SPTLC3: variants seen among roughly 807,000 people sequenced by gnomAD.
SPTLC3 encodes serine palmitoyltransferase long chain base subunit 3.
In SPTLC3, 36 loss-of-function variants were observed where a neutral mutation model predicts 59.3. The ratio of observed to expected loss-of-function variants is 0.61; its 90% CI spans 0.47 to 0.80. The LOEUF is 0.80. SPTLC3 is among the 30% of genes least tolerant of loss of function. The pLI, the probability that SPTLC3 is intolerant of heterozygous loss-of-function variation, is 0.00. For missense variants in SPTLC3, 625 were observed against 685.1 expected (o/e 0.91, Z 0.98); for synonymous variants, 257 against 240.8 (o/e 1.07, Z -0.62).
At chr20:13,094,607 T>C (rs142779387) in intron 6 of SPTLC3, among the ~76,000 whole-genome samples, 1 of 152,344 alleles carries the variant, frequency 6.6e-6, no homozygotes, top group Non-Finnish European at 1.5e-5. Flanking sequence ...GTTTCAATTC[T>C]GTTCTGCCCA....
intron 2 of SPTLC3, among the ~76,000 whole-genome samples, chr20:13,070,953 A>G (rs1030125388): frequency 1.3e-5 from 2 of 152,130 alleles, no homozygotes; most frequent in African/African-American, 4.8e-5. Flanking sequence ...TAAAAATCTC[A>G]TTCTGCTTTG....
chr20:13,149,157 AT>A (rs1157124281), intron 9 of SPTLC3, among the ~76,000 whole-genome samples: 1 of 152,208 alleles, frequency 6.6e-6, no homozygotes, highest in East Asian at 1.9e-4. Context: ...ATAAGAGATT[AT>A]TTCATTCACT....
intron 6 of SPTLC3, among the ~76,000 whole-genome samples, chr20:13,107,777 TTTTTTTTTTTTTGTATCTG>T (rs971663631): frequency 1.4e-5 from 1 of 69,574 alleles, no homozygotes; most frequent in Non-Finnish European, 2.5e-5. Context: ...AAAATGACCT[TTTTTTTTTTTTTGTATCTG>T]TTGGTTCTGA....
At chr20:13,118,898 A>G (rs1990743852) in intron 8 of SPTLC3, among the ~76,000 whole-genome samples, 1 of 152,254 alleles carries the variant, frequency 6.6e-6, no homozygotes. Context: ...GATGCTTAAA[A>G]TGTTCAGAGT....
At chr20:13,122,589 G>C (rs1264214966) in intron 8 of SPTLC3, among the ~76,000 whole-genome samples, 3 of 152,180 alleles carry the variant, frequency 2.0e-5, no homozygotes, top group African/African-American at 2.4e-5. Flanking sequence ...CTGTGATTCA[G>C]TTGTTCTGTC....
intron 9 of SPTLC3, among the ~76,000 whole-genome samples, chr20:13,146,413 C>T (rs910985375): frequency 9.2e-5 from 14 of 152,032 alleles, no homozygotes; most frequent in Non-Finnish European, 1.8e-4. Context: ...CACATGTACC[C>T]CGAAACCTAA....
chr20:13,161,600 T>C (rs1003123217), intron 11 of SPTLC3, among the ~76,000 whole-genome samples: 1 of 151,964 alleles, frequency 6.6e-6, no homozygotes, highest in Non-Finnish European at 1.5e-5. Flanking sequence ...TTAAACTCCA[T>C]ACAGAGGAGA....
intron 1 of SPTLC3, among the ~76,000 whole-genome samples, chr20:13,034,036 G>A (rs1324218969): frequency 1.3e-5 from 2 of 152,144 alleles, no homozygotes; most frequent in African/African-American, 4.8e-5. Context: ...GGTGTGAAGT[G>A]AGAGCCATTT....
At chr20:13,009,481 T>G in intron 1 of SPTLC3, 97 bp downstream of exon 1, 2 of 1,124,308 alleles carry the variant, frequency 1.8e-6, no homozygotes, top group Non-Finnish European at 2.6e-6. Context: ...AGAGTTCATC[T>G]TATGAAGGGT....
chr20:13,010,546 T>C (rs1019644604), intron 1 of SPTLC3, among the ~76,000 whole-genome samples: 1 of 152,140 alleles, frequency 6.6e-6, no homozygotes, highest in Non-Finnish European at 1.5e-5. Context: ...CTGGGAGGTG[T>C]CTATCAGAAA....
At chr20:13,138,219 T>C (rs2122867117) in intron 9 of SPTLC3, among the ~76,000 whole-genome samples, 1 of 152,304 alleles carries the variant, frequency 6.6e-6, no homozygotes, top group South Asian at 2.1e-4. Context: ...AGAGACACTG[T>C]CCCCAAACTG....
intron 1 of SPTLC3, among the ~76,000 whole-genome samples, chr20:13,019,713 C>A (rs1985767060): frequency 6.6e-6 from 1 of 152,252 alleles, no homozygotes; most frequent in South Asian, 2.1e-4. Flanking sequence ...GTCAGTGGTG[C>A]ACAAACCTTC....
intron 10 of SPTLC3, among the ~76,000 whole-genome samples, chr20:13,157,649 C>T (rs1351990581): frequency 6.6e-6 from 1 of 150,902 alleles, no homozygotes; most frequent in East Asian, 1.9e-4. Flanking sequence ...CAAAAGGCAA[C>T]AATCACTACA....
intron 4 of SPTLC3, among the ~76,000 whole-genome samples, chr20:13,080,655 C>A (rs759474290): frequency 2.0e-4 from 31 of 151,846 alleles, no homozygotes; most frequent in Non-Finnish European, 3.4e-4. Flanking sequence ...AAAATAATAA[C>A]CCGTAGTTTC....
chr20:13,135,502 T>G (rs569137771), intron 9 of SPTLC3, among the ~76,000 whole-genome samples: 1 of 152,348 alleles, frequency 6.6e-6, no homozygotes, highest in South Asian at 2.1e-4. Context: ...TATTAGATAT[T>G]AAGATTCTTG....
At chr20:13,068,418 C>G (rs1383908126) in intron 2 of SPTLC3, among the ~76,000 whole-genome samples, 1 of 152,174 alleles carries the variant, frequency 6.6e-6, no homozygotes, top group Non-Finnish European at 1.5e-5. Flanking sequence ...TCAAGTCCAG[C>G]TTCATTTTCT....
chr20:13,017,941 C>A (rs952643882), intron 1 of SPTLC3, among the ~76,000 whole-genome samples: 6 of 152,154 alleles, frequency 3.9e-5, no homozygotes, highest in South Asian at 2.1e-4. Context: ...TTCTTGGAAT[C>A]CAGCCACCAT....
intron 9 of SPTLC3, among the ~76,000 whole-genome samples, chr20:13,151,063 G>C (rs2122942751): frequency 6.6e-6 from 1 of 152,234 alleles, no homozygotes; most frequent in South Asian, 2.1e-4. Flanking sequence ...AAGCTCTTCT[G>C]TTTTTATATC....
intron 1 of SPTLC3, 106 bp from the exon 2 acceptor site, chr20:13,048,839 A>T: frequency 2.0e-6 from 2 of 1,016,092 alleles, no homozygotes; most frequent in Non-Finnish European, 2.8e-6. Context: ...TTACAATCTT[A>T]AATATGGCCT....
Sources: gnomAD v4.1 joint callset for allele counts (sites outside exome capture counted in the v4.1 genomes callset) on GRCh38, gnomAD v4.1.1 for gene constraint, MANE v1.5 for transcripts, NCBI Gene and HGNC (gene_info 2026-07-23, HGNC 2026-07-21) for gene names.